The following RABGAP1L variants were observed in gnomAD, a reference collection of about 807,000 sequenced individuals.
The protein encoded by RABGAP1L is RAB GTPase activating protein 1 like.
RABGAP1L carries 63 observed loss-of-function variants against 137.7 expected under a neutral mutation model. That is an observed-to-expected ratio of 0.46 (90% confidence interval 0.37 to 0.56). The LOEUF (loss-of-function observed/expected upper bound fraction) is 0.56. Ranked by LOEUF, RABGAP1L falls within the 20% of genes least tolerant of loss-of-function variation. The pLI is 0.00. For missense variants in RABGAP1L, 1,095 were observed against 1,244.0 expected, an observed-to-expected ratio of 0.88 and a Z score of 1.80; for synonymous variants, 431 against 433.7, an observed-to-expected ratio of 0.99 and a Z score of 0.08.
intron 19 of RABGAP1L, among the ~76,000 whole-genome samples, chr1:174,818,489 G>T (rs1224186815): frequency 2.0e-5 from 3 of 152,150 alleles, no homozygotes; most frequent in Non-Finnish European, 4.4e-5. Flanking sequence ...AATGATTCAA[G>T]GAATAAATAG....
At chr1:174,822,326 T>C (rs917309882) in intron 19 of RABGAP1L, among the ~76,000 whole-genome samples, 9 of 152,222 alleles carry the variant, frequency 5.9e-5, no homozygotes, top group Admixed American at 3.9e-4. Context: ...CTGTTTGCCT[T>C]TGAGACTTCT....
At chr1:174,773,257 G>A (rs995860842) in intron 18 of RABGAP1L, among the ~76,000 whole-genome samples, 2 of 151,860 alleles carry the variant, frequency 1.3e-5, no homozygotes, top group Non-Finnish European at 2.9e-5. Context: ...CAGGCATGGC[G>A]ACATATGCCT....
chr1:174,721,422 G>C (rs539117231), intron 17 of RABGAP1L, among the ~76,000 whole-genome samples: 90 of 152,282 alleles, frequency 5.9e-4, no homozygotes, highest in African/African-American at 2.0e-3. Context: ...TGTTTTTAGT[G>C]TTTATTTTGG....
chr1:174,458,992 A>G (rs1656364336), intron 13 of RABGAP1L, among the ~76,000 whole-genome samples: 1 of 152,166 alleles, frequency 6.6e-6, no homozygotes. Context: ...AGAATTTATA[A>G]TTCAACACCA....
intron 13 of RABGAP1L, among the ~76,000 whole-genome samples, chr1:174,469,565 A>C (rs866378830): frequency 5.9e-5 from 9 of 152,294 alleles, no homozygotes; most frequent in Middle Eastern, 3.4e-3. Flanking sequence ...AAGTTTGAGA[A>C]TCATAGTATG....
chr1:174,214,881 G>C (rs919906584), intron 1 of RABGAP1L, among the ~76,000 whole-genome samples: 1 of 152,058 alleles, frequency 6.6e-6, no homozygotes, highest in Non-Finnish European at 1.5e-5. Context: ...AAACTATGAA[G>C]CTACTAAGAG....
In RABGAP1L at chr1:174,370,979, A is replaced by G; in HGVS notation, c.1466A>G (p.Glu489Gly). The G allele has an allele frequency of 6.8e-7, 1 of 1,464,084 alleles. No individual in the cohort carries two copies. The highest frequency in any genetic ancestry group is 9.2e-7 in the Non-Finnish European group (1 of 1,082,424). 90.7% of individuals were successfully genotyped at this position (1,464,084 alleles called of 1,614,324 possible). ...GTTGGTTTTTGCGTTTCTTCTGCAG[A>G]GAGTGATAATGAACTCTCAAGTGGA... ...MSPQDDEAEE[E>G]SDNELSSGTG... The change falls in exon 12 of 26, where the codon GAG (glutamate) becomes GGG (glycine). Residue 489 changes from glutamate (E) to glycine (G), a missense_variant and splice_region_variant. This residue lies in a region of RABGAP1L where 315 missense variants were observed against 324.8 expected (regional missense o/e 0.97). Coordinates refer to ENST00000681986, the MANE Select transcript of RABGAP1L (RefSeq NM_001366446.1).
At chr1:174,223,882 A>G (rs993769146) in intron 3 of RABGAP1L, among the ~76,000 whole-genome samples, 20 of 152,214 alleles carry the variant, frequency 1.3e-4, no homozygotes, top group Non-Finnish European at 7.3e-5. Flanking sequence ...TCACTAGAAC[A>G]GGGTACCAGA....
chr1:174,617,805 C>T (rs1016355532), intron 13 of RABGAP1L, among the ~76,000 whole-genome samples: 1 of 152,128 alleles, frequency 6.6e-6, no homozygotes, highest in African/African-American at 2.4e-5. Context: ...ACGCAGAAGA[C>T]GGGTGATTTC....
intron 19 of RABGAP1L, among the ~76,000 whole-genome samples, chr1:174,884,331 A>G (rs1349377285): frequency 6.6e-6 from 1 of 152,236 alleles, no homozygotes; most frequent in East Asian, 1.9e-4. Context: ...AAGCATGCCA[A>G]ATTAAAAAAC....
chr1:174,343,970 G>T (rs147879944), intron 11 of RABGAP1L, among the ~76,000 whole-genome samples: 155 of 152,284 alleles, frequency 1.0e-3, no homozygotes, highest in African/African-American at 3.5e-3. Context: ...CACTGTAGCT[G>T]TGTAGCTGCT....
chr1:174,519,178 A>G (rs1159755319), intron 13 of RABGAP1L, among the ~76,000 whole-genome samples: 1 of 151,118 alleles, frequency 6.6e-6, no homozygotes, highest in Non-Finnish European at 1.5e-5. Flanking sequence ...ATAAACTCCC[A>G]TGTGTAAATA....
intron 14 of RABGAP1L, among the ~76,000 whole-genome samples, chr1:174,672,047 T>C (rs191675493): frequency 1.5e-3 from 230 of 152,224 alleles, no homozygotes; most frequent in African/African-American, 5.3e-3. Flanking sequence ...ATCAGTAATA[T>C]TTCATCCTTG....
intron 13 of RABGAP1L, among the ~76,000 whole-genome samples, chr1:174,523,494 ATTTCT>A (rs1191706774): frequency 1.3e-5 from 2 of 152,132 alleles, no homozygotes; most frequent in African/African-American, 4.8e-5. Context: ...ATTTTTAAAC[ATTTCT>A]TTTATTGATT....
At chr1:174,329,663 A>T (rs183234245) in intron 11 of RABGAP1L, among the ~76,000 whole-genome samples, 175 of 152,312 alleles carry the variant, frequency 1.1e-3, no homozygotes, top group Non-Finnish European at 2.1e-3. Context: ...GAATGTAAAG[A>T]TGGTTTAACA....
chr1:174,382,878 GT>G (rs1316121676), intron 12 of RABGAP1L, among the ~76,000 whole-genome samples: 1 of 151,982 alleles, frequency 6.6e-6, no homozygotes, highest in African/African-American at 2.4e-5. Flanking sequence ...GCGTTTTAGA[GT>G]TTCCAGTTTT....
intron 19 of RABGAP1L, among the ~76,000 whole-genome samples, chr1:174,836,450 G>A (rs1242918805): frequency 6.6e-6 from 1 of 152,156 alleles, no homozygotes; most frequent in Non-Finnish European, 1.5e-5. Context: ...GAGACTTGAT[G>A]ACAATCTTGA....
At chr1:174,926,422 C>G (rs1573861110) in intron 19 of RABGAP1L, among the ~76,000 whole-genome samples, 1 of 152,070 alleles carries the variant, frequency 6.6e-6, no homozygotes, top group African/African-American at 2.4e-5. Context: ...TTTATTTAAA[C>G]CCTCTTTTAT....
intron 10 of RABGAP1L, among the ~76,000 whole-genome samples, chr1:174,293,282 T>C (rs1676797796): frequency 6.6e-6 from 1 of 152,158 alleles, no homozygotes; most frequent in Non-Finnish European, 1.5e-5. Flanking sequence ...ATTGGAAACA[T>C]TGACAGTGTA....
Sources: gnomAD v4.1 joint callset for allele counts (sites outside exome capture counted in the v4.1 genomes callset) on GRCh38, gnomAD v4.1.1 for gene constraint, gnomAD v4.1.1 regional missense constraint, MANE v1.5 for transcripts, NCBI Gene and HGNC (gene_info 2026-07-23, HGNC 2026-07-21) for gene names.